Variants in ATXN1 observed in about 807,000 individuals in gnomAD.
The protein encoded by ATXN1 is ataxin-1.
A neutral mutation model predicts 56.4 loss-of-function variants in ATXN1; 8 were observed. The ratio of observed to expected loss-of-function variants is 0.14; its 90% CI spans 0.08 to 0.26. ATXN1 has a LOEUF of 0.26. ATXN1 is among the 10% of genes least tolerant of loss of function. The probability of loss-of-function intolerance (pLI) is 1.00; values close to 1 mark genes in which losing one functional copy is unlikely to be tolerated. For missense variants in ATXN1, 987 were observed against 1,106.5 expected (o/e 0.89, Z 1.53); for synonymous variants, 514 against 494.6 (o/e 1.04, Z -0.52).
chr6:16,360,871 T>C (rs533815041), intron 6 of ATXN1, among the ~76,000 whole-genome samples: 2 of 152,298 alleles, frequency 1.3e-5, no homozygotes, highest in East Asian at 3.9e-4. Context: ...CACTGGGGTC[T>C]TTCCCTGTAT....
At chr6:16,639,772 A>G (rs1240067109) in intron 3 of ATXN1, among the ~76,000 whole-genome samples, 2 of 152,268 alleles carry the variant, frequency 1.3e-5, no homozygotes, top group African/African-American at 4.8e-5. Context: ...AGATGTAAAT[A>G]GAAGAATTAT....
intron 3 of ATXN1, among the ~76,000 whole-genome samples, chr6:16,606,393 T>A (rs1262795985): frequency 6.6e-6 from 1 of 152,140 alleles, no homozygotes; most frequent in Non-Finnish European, 1.5e-5. Context: ...ATGGATACTA[T>A]GAAATCTAAT....
In ATXN1 at chr6:16,306,002, A is replaced by C; in HGVS notation, c.*327T>G. Reference sequence around the variant, plus strand: ...CCCACGGGACTTTTCTCCTGACACTAGCGGGAGTCAGCGCCCCCGGCTGCT... The same window carrying C: ...CCCACGGGACTTTTCTCCTGACACTCGCGGGAGTCAGCGCCCCCGGCTGCT... On this transcript the variant is annotated 3_prime_UTR_variant, in exon 8 of 8. Coordinates refer to ENST00000436367, the MANE Select transcript of ATXN1 (RefSeq NM_001128164.2). The surrounding 1 kb of genome is among the most constrained non-coding windows in gnomAD (Gnocchi z 5.2). The C allele has an allele frequency of 4.2e-6, 1 of 238,438 alleles. No homozygotes were observed. Among genetic ancestry groups the C allele is most frequent in the Non-Finnish European group, 8.4e-6 (1 of 119,732 alleles). 14.8% of individuals were successfully genotyped at this position (238,438 alleles called of 1,614,324 possible). A position where few individuals can be genotyped will look rare whatever the true frequency, so the allele number is the denominator to read the frequency against.
At chr6:16,521,392 A>G (rs538901353) in intron 5 of ATXN1, among the ~76,000 whole-genome samples, 1 of 152,316 alleles carries the variant, frequency 6.6e-6, no homozygotes, top group South Asian at 2.1e-4. Context: ...ACCCATCTCT[A>G]CTAAAAATAC....
intron 6 of ATXN1, among the ~76,000 whole-genome samples, chr6:16,400,555 T>G (rs1051287336): frequency 6.6e-6 from 1 of 152,240 alleles, no homozygotes; most frequent in Non-Finnish European, 1.5e-5. Flanking sequence ...AATTCTCCAG[T>G]GACTATGTGG....
At chr6:16,550,281 G>A (rs907168665) in intron 4 of ATXN1, among the ~76,000 whole-genome samples, 1 of 151,924 alleles carries the variant, frequency 6.6e-6, no homozygotes, top group South Asian at 2.1e-4. Flanking sequence ...CTCAGCTCTG[G>A]CAATGTGGCT....
Position 16,300,188 on chromosome 6 carries a change from A to AATG in ATXN1, c.*6138_*6140dup, listed in dbSNP as rs796707861. 4.6e-5 allele frequency: 7 copies of AATG among 152,762 alleles called. No homozygotes were observed. The highest frequency in any genetic ancestry group is 1.7e-4 in the African/African-American group (7 of 41,582). 9.5% of individuals were successfully genotyped at this position (152,762 alleles called of 1,614,324 possible). A position where few individuals can be genotyped will look rare whatever the true frequency, so the allele number is the denominator to read the frequency against. Reference sequence around the variant, plus strand: ...GAAAGAAAACGTGGGTGAAGCCTCCAATGTATCTGCAGTGGAAGACTTGAG... The same window carrying AATG: ...GAAAGAAAACGTGGGTGAAGCCTCCAATGATGTATCTGCAGTGGAAGACTTGAG... On this transcript the variant is annotated 3_prime_UTR_variant, in exon 8 of 8. Transcript: ENST00000436367.
intron 6 of ATXN1, among the ~76,000 whole-genome samples, chr6:16,334,830 G>A (rs1761080463): frequency 6.6e-6 from 1 of 152,224 alleles, no homozygotes; most frequent in Non-Finnish European, 1.5e-5. Context: ...GGAAGGATGG[G>A]GCATGTCTAG....
intron 6 of ATXN1, among the ~76,000 whole-genome samples, chr6:16,342,794 T>C (rs1201511481): frequency 3.3e-5 from 5 of 152,170 alleles, no homozygotes; most frequent in Admixed American, 6.5e-5. Context: ...TATCATATGA[T>C]TCCCCTTCTA....
At chr6:16,498,008 A>T (rs1760811456) in intron 5 of ATXN1, among the ~76,000 whole-genome samples, 2 of 152,202 alleles carry the variant, frequency 1.3e-5, no homozygotes, top group African/African-American at 4.8e-5. Flanking sequence ...ACATAAAACA[A>T]AATTCAGCAT....
intron 3 of ATXN1, among the ~76,000 whole-genome samples, chr6:16,599,753 G>A (rs987628040): frequency 8.6e-5 from 13 of 151,924 alleles, no homozygotes; most frequent in African/African-American, 3.1e-4. Flanking sequence ...GGAACAAGAG[G>A]GTTATTTAAA....
chr6:16,342,836 A>C (rs1035331460), intron 6 of ATXN1, among the ~76,000 whole-genome samples: 1 of 152,192 alleles, frequency 6.6e-6, no homozygotes, highest in African/African-American at 2.4e-5. Flanking sequence ...ATTTGGAGAG[A>C]GCGTAGAACA....
chr6:16,605,364 G>C (rs1346528642), intron 3 of ATXN1, among the ~76,000 whole-genome samples: 1 of 152,106 alleles, frequency 6.6e-6, no homozygotes, highest in Non-Finnish European at 1.5e-5. Context: ...GCTTAAAGAG[G>C]GTATGACTTT....
chr6:16,470,952 A>C (rs1291995294), intron 6 of ATXN1, among the ~76,000 whole-genome samples: 2 of 152,184 alleles, frequency 1.3e-5, no homozygotes, highest in Non-Finnish European at 2.9e-5. Context: ...TTTTCTCCAC[A>C]GGCCAACCAA....
intron 2 of ATXN1, among the ~76,000 whole-genome samples, chr6:16,672,087 T>A (rs1054109213): frequency 2.0e-5 from 3 of 152,194 alleles, no homozygotes; most frequent in Admixed American, 1.3e-4. Flanking sequence ...CTATTTAACA[T>A]ACTTTAAGGC....
chr6:16,597,834 T>C (rs1246627374), intron 3 of ATXN1, among the ~76,000 whole-genome samples: 2 of 152,108 alleles, frequency 1.3e-5, no homozygotes, highest in Non-Finnish European at 2.9e-5. Flanking sequence ...AAAGTTTTAT[T>C]AGGAGACCAG....
intron 3 of ATXN1, among the ~76,000 whole-genome samples, chr6:16,656,818 C>T (rs1259984899): frequency 1.3e-5 from 2 of 152,130 alleles, no homozygotes; most frequent in East Asian, 1.9e-4. Context: ...CACCCTACTA[C>T]ACGCCTGCGC....
rs562462720 is a variant in ATXN1, at chr6:16,647,979, G to A, written c.-489+9797C>T. ...TAATCCCAGCTACTTGGGAGGCTGA[G>A]GCAGAAGATCTCTTGAACCCAGGAG... On this transcript the variant is annotated intron_variant, in intron 3 of 7. Coordinates refer to ENST00000436367, the MANE Select transcript of ATXN1 (RefSeq NM_001128164.2). Among the ~76,000 whole-genome samples the A allele has an allele frequency of 2.0e-4, 30 of 152,308 alleles. 1 individual carries two copies. In the South Asian group the frequency reaches 6.2e-3, roughly 32 times the overall value.
chr6:16,347,773 C>G (rs897562938), intron 6 of ATXN1, among the ~76,000 whole-genome samples: 1 of 152,194 alleles, frequency 6.6e-6, no homozygotes, highest in Non-Finnish European at 1.5e-5. Context: ...GTAAAATGGA[C>G]CAATCAGCAG....
Sources: allele counts gnomAD v4.1 joint callset (sites outside exome capture counted in the v4.1 genomes callset), GRCh38; gene constraint gnomAD v4.1.1; non-coding constraint Gnocchi (gnomAD v3.1); transcripts MANE v1.5; gene names NCBI Gene and HGNC (gene_info 2026-07-23, HGNC 2026-07-21).